Variants in CSMD3 observed in about 807,000 individuals in gnomAD.
CSMD3 encodes the protein CUB and sushi domain-containing protein 3.
CSMD3 carries 177 observed loss-of-function variants against 435.2 expected under a neutral mutation model. That is an observed-to-expected ratio of 0.41 (90% CI 0.36 to 0.46). CSMD3 has a LOEUF of 0.46. CSMD3 is among the 20% of genes least tolerant of loss of function. The pLI, the probability that CSMD3 is intolerant of heterozygous loss-of-function variation, is 0.34. For missense variants in CSMD3, 4,265 were observed against 4,504.6 expected (o/e 0.95, Z 1.52); for synonymous variants, 1,656 against 1,520.5 (o/e 1.09, Z -2.07).
At chr8:112,922,346 T>C (rs2082770336) in intron 9 of CSMD3, among the ~76,000 whole-genome samples, 1 of 152,054 alleles carries the variant, frequency 6.6e-6, no homozygotes, top group Admixed American at 6.6e-5. Flanking sequence ...CCTCATGAAT[T>C]TATCCTTTGT....
chr8:112,513,525 G>T (rs912377774), intron 28 of CSMD3, among the ~76,000 whole-genome samples: 10 of 152,086 alleles, frequency 6.6e-5, no homozygotes, highest in Non-Finnish European at 4.4e-5. Flanking sequence ...TAACATAAAA[G>T]ATCACTGATC....
At chr8:113,369,935 T>C (rs530238864) in intron 1 of CSMD3, among the ~76,000 whole-genome samples, 1 of 151,892 alleles carries the variant, frequency 6.6e-6, no homozygotes, top group South Asian at 2.1e-4. Flanking sequence ...GAGATGTTGG[T>C]AAAAGGATAC....
intron 10 of CSMD3, among the ~76,000 whole-genome samples, chr8:112,864,959 G>C (rs1221573324): frequency 6.6e-6 from 1 of 152,074 alleles, no homozygotes; most frequent in Non-Finnish European, 1.5e-5. Flanking sequence ...AAGATTAAAA[G>C]GGCTACCCTA....
At chr8:112,907,385 A>C (rs2082292513) in intron 10 of CSMD3, among the ~76,000 whole-genome samples, 1 of 151,630 alleles carries the variant, frequency 6.6e-6, no homozygotes, top group Admixed American at 6.6e-5. Context: ...GGTATAGTGA[A>C]AATAACATAG....
intron 13 of CSMD3, among the ~76,000 whole-genome samples, chr8:112,715,209 A>C (rs564526950): frequency 6.6e-6 from 1 of 152,336 alleles, no homozygotes; most frequent in South Asian, 2.1e-4. Flanking sequence ...GATAAGAATC[A>C]AATAGACACA....
intron 1 of CSMD3, among the ~76,000 whole-genome samples, chr8:113,399,327 T>A (rs2094499054): frequency 6.6e-6 from 1 of 151,230 alleles, no homozygotes; most frequent in Non-Finnish European, 1.5e-5. Context: ...TAACTATAGA[T>A]CCCAGAGAAA....
At chr8:112,412,281 G>T (rs7000134) in intron 32 of CSMD3, among the ~76,000 whole-genome samples, 3,093 of 152,026 alleles carry the variant, frequency 0.02, 102 homozygotes, top group African/African-American at 0.07. Flanking sequence ...AATCCAATGG[G>T]TAGAACACCC....
chr8:112,894,992 C>A (rs2081909929), intron 10 of CSMD3, among the ~76,000 whole-genome samples: 1 of 151,300 alleles, frequency 6.6e-6, no homozygotes, highest in Non-Finnish European at 1.5e-5. Context: ...AAGAAAGGCT[C>A]ATGGATGAGA....
Position 113,198,602 on chromosome 8 carries a change from T to TA in CSMD3, c.515-24687dup, listed in dbSNP as rs142496266. Among the ~76,000 whole-genome samples the TA allele has an allele frequency of 7.6e-3, 1,144 of 151,362 alleles. 21 individuals carry two copies. Among genetic ancestry groups the TA allele is most frequent in the African/African-American group, 0.026 (1,082 of 41,426 alleles). On this transcript the variant is annotated intron_variant, in intron 3 of 70. Transcript: ENST00000297405. ...GTTTGTTTTTGTTTTTGTTTTTTTT[T>TA]AAAAAGAAGTCCATAATTACATTTT...
At chr8:112,624,764 T>C (rs979880529) in intron 22 of CSMD3, among the ~76,000 whole-genome samples, 3 of 152,014 alleles carry the variant, frequency 2.0e-5, no homozygotes, top group Admixed American at 6.6e-5. Context: ...TTCTCCCTTA[T>C]AGCTTTTGGC....
intron 13 of CSMD3, among the ~76,000 whole-genome samples, chr8:112,724,301 G>A (rs145259799): frequency 1.4e-4 from 22 of 152,110 alleles, no homozygotes; most frequent in Admixed American, 3.3e-4. Flanking sequence ...TGGTGGAAAC[G>A]AGAAATCAGG....
chr8:112,603,730 T>C (rs1832565589), intron 22 of CSMD3, among the ~76,000 whole-genome samples: 1 of 152,182 alleles, frequency 6.6e-6, no homozygotes, highest in Admixed American at 6.5e-5. Flanking sequence ...TGTTACATGG[T>C]TCATCTGTGA....
At chr8:112,674,948 T>C (rs1586942326) in intron 16 of CSMD3, among the ~76,000 whole-genome samples, 1 of 152,096 alleles carries the variant, frequency 6.6e-6, no homozygotes, top group South Asian at 2.1e-4. Flanking sequence ...ACGGATTAGA[T>C]AGATAAAGAC....
chr8:112,973,824 T>C (rs998507172), intron 7 of CSMD3, among the ~76,000 whole-genome samples: 7 of 151,898 alleles, frequency 4.6e-5, no homozygotes, highest in Non-Finnish European at 1.0e-4. Context: ...TAGTAAGTTA[T>C]TGAAGAAGAA....
chr8:112,430,833 A>G (rs555766859), intron 32 of CSMD3, among the ~76,000 whole-genome samples: 1 of 152,144 alleles, frequency 6.6e-6, no homozygotes, highest in East Asian at 1.9e-4. Flanking sequence ...AATGTACTCA[A>G]GAGAGACAGG....
chr8:113,130,550 G>A (rs1162059558), intron 4 of CSMD3, among the ~76,000 whole-genome samples: 2 of 152,138 alleles, frequency 1.3e-5, no homozygotes, highest in Non-Finnish European at 1.5e-5. Flanking sequence ...TAAGCCTGTG[G>A]TACTGTGAGT....
chr8:112,673,127 T>C (rs546911333), intron 16 of CSMD3, among the ~76,000 whole-genome samples: 10 of 151,844 alleles, frequency 6.6e-5, no homozygotes, highest in African/African-American at 9.7e-5. Flanking sequence ...AAAATCTAGA[T>C]GCCAATTCAA....
intron 1 of CSMD3, among the ~76,000 whole-genome samples, chr8:113,352,640 G>A (rs141424900): frequency 7.2e-4 from 109 of 152,230 alleles, no homozygotes; most frequent in Middle Eastern, 6.8e-3. Flanking sequence ...CTCTCTTTAG[G>A]AGATGACATT....
chr8:112,637,018 GA>G lies in CSMD3; in HGVS notation c.3527-14del, dbSNP rs1249250869. On this transcript the variant is annotated splice_polypyrimidine_tract_variant and intron_variant, in intron 21 of 70. Coordinates refer to ENST00000297405, the MANE Select transcript of CSMD3 (RefSeq NM_198123.2). ...TCAAGGTTATATTCTGTAAATTAGAGAGAAAAATTTCCCCGCGGGGGAGGAA... is the reference window on the plus strand; with the variant it reads ...TCAAGGTTATATTCTGTAAATTAGAGGAAAAATTTCCCCGCGGGGGAGGAA... The G allele has an allele frequency of 6.2e-7, 1 of 1,610,598 alleles. No homozygotes were observed. Among genetic ancestry groups the G allele is most frequent in the East Asian group, 2.2e-5 (1 of 44,864 alleles).
Sources: gnomAD v4.1 joint callset for allele counts (sites outside exome capture counted in the v4.1 genomes callset) on GRCh38, gnomAD v4.1.1 for gene constraint, MANE v1.5 for transcripts, NCBI Gene and HGNC (gene_info 2026-07-23, HGNC 2026-07-21) for gene names.